Variants in OR51B5 observed in about 807,000 individuals in gnomAD.
The protein encoded by OR51B5 is olfactory receptor family 51 subfamily B member 5, also known as olfactory receptor 51B5.
For missense variants in OR51B5, 456 were observed against 374.6 expected (o/e 1.22, Z -1.79); for synonymous variants, 186 against 144.8 (o/e 1.28, Z -2.04).
intron 1 of OR51B5, among the ~76,000 whole-genome samples, chr11:5,434,448 T>C (rs1280695249): frequency 6.6e-6 from 1 of 152,150 alleles, no homozygotes; most frequent in East Asian, 1.9e-4. Flanking sequence ...CCCACAGATG[T>C]AGCCTAGGTT....
chr11:5,343,021 G>C, exon 1 of OR51B5: 1 of 1,613,872 alleles, frequency 6.2e-7, no homozygotes, highest in Non-Finnish European at 8.5e-7. Flanking sequence ...GAACATGGGA[G>C]TGACAATACA....
At chr11:5,484,240 CAA>C (rs1464970580) in intron 1 of OR51B5, among the ~76,000 whole-genome samples, 5 of 152,134 alleles carry the variant, frequency 3.3e-5, no homozygotes, top group Admixed American at 3.3e-4. Context: ...GATCCTGCAA[CAA>C]GTTAGGAAGG....
intron 1 of OR51B5, among the ~76,000 whole-genome samples, chr11:5,372,979 G>A (rs1340586744): frequency 6.6e-6 from 1 of 152,068 alleles, no homozygotes. Flanking sequence ...TAGACACATA[G>A]ACCAAATTGA....
chr11:5,345,347 G>C (rs1848975028), upstream of OR51B5, among the ~76,000 whole-genome samples: 2 of 152,122 alleles, frequency 1.3e-5, no homozygotes, highest in Admixed American at 6.5e-5. Context: ...CCTTGACTAG[G>C]AGAGAAGCAG....
At position 5,418,768 on chromosome 11, in the gene OR51B5, A is replaced by G. The variant is rs1185830346; in HGVS notation, n.85-71858T>C. Among the ~76,000 whole-genome samples the G allele has an allele frequency of 5.9e-5, 9 of 151,928 alleles. No homozygotes were observed. The East Asian group carries it at 1.4e-3, about 23-fold the overall frequency. On this transcript the variant is annotated intron_variant and non_coding_transcript_variant, in intron 1 of 4. Transcript: ENST00000415970. ...GGGGAGGGATAGCATTAGGAGAAATACCTAATGTAGGTGACGGGTTGATAG... is the reference window on the plus strand; with the variant it reads ...GGGGAGGGATAGCATTAGGAGAAATGCCTAATGTAGGTGACGGGTTGATAG...
chr11:5,412,107 T>C (rs1028929570), intron 1 of OR51B5, among the ~76,000 whole-genome samples: 3 of 152,192 alleles, frequency 2.0e-5, no homozygotes, highest in African/African-American at 7.2e-5. Flanking sequence ...CAGACCTTTC[T>C]CTCCTCCTCC....
At position 5,441,064 on chromosome 11, in the gene OR51B5, G is replaced by A. The variant is rs757036841; in HGVS notation, n.84+64505C>T. 69 of 1,613,866 alleles carry A rather than the reference G, an allele frequency of 4.3e-5. No homozygotes were observed. The highest frequency in any genetic ancestry group is 5.8e-5 in the Non-Finnish European group (68 of 1,179,940). On this transcript the variant is annotated intron_variant and non_coding_transcript_variant, in intron 1 of 4. Transcript: ENST00000415970. ...AAGAGAGTGGTGAAACTCTTGGTAAGGATGCCCAGACCCATAGCCAATATA... is the reference window on the plus strand; with the variant it reads ...AAGAGAGTGGTGAAACTCTTGGTAAAGATGCCCAGACCCATAGCCAATATA...
At chr11:5,477,807 CT>C (rs1851337493) in intron 1 of OR51B5, among the ~76,000 whole-genome samples, 1 of 152,170 alleles carries the variant, frequency 6.6e-6, no homozygotes, top group South Asian at 2.1e-4. Context: ...TTCGGACTGG[CT>C]TAAAAAACGG....
At chr11:5,457,352 G>C (rs1293499621) in intron 1 of OR51B5, among the ~76,000 whole-genome samples, 1 of 152,298 alleles carries the variant, frequency 6.6e-6, no homozygotes, top group South Asian at 2.1e-4. Context: ...TGGTATATAT[G>C]TACCACATTT....
intron 1 of OR51B5, among the ~76,000 whole-genome samples, chr11:5,365,561 A>G (rs1432321447): frequency 6.6e-6 from 1 of 152,202 alleles, no homozygotes; most frequent in Non-Finnish European, 1.5e-5. Flanking sequence ...AAGCATATTG[A>G]TACACAAAAA....
chr11:5,374,329 G>A (rs187786252), intron 1 of OR51B5, among the ~76,000 whole-genome samples: 18 of 151,898 alleles, frequency 1.2e-4, no homozygotes, highest in African/African-American at 2.7e-4. Context: ...AAAACCCATC[G>A]GTACATCACT....
At chr11:5,376,722 A>C (rs1037079443) in intron 1 of OR51B5, among the ~76,000 whole-genome samples, 6 of 151,982 alleles carry the variant, frequency 3.9e-5, no homozygotes, top group African/African-American at 1.5e-4. Context: ...GAAATGGATA[A>C]ATTCCTGGAC....
chr11:5,457,372 A>T (rs796895973), intron 1 of OR51B5, among the ~76,000 whole-genome samples: 12 of 152,338 alleles, frequency 7.9e-5, no homozygotes, highest in African/African-American at 2.4e-4. Flanking sequence ...TTCTTTAACC[A>T]GTCCACTGCT....
At chr11:5,387,845 C>A (rs1373376723) in intron 1 of OR51B5, among the ~76,000 whole-genome samples, 1 of 152,170 alleles carries the variant, frequency 6.6e-6, no homozygotes, top group Non-Finnish European at 1.5e-5. Context: ...ATCACTCTTA[C>A]CTTCCTCCTT....
In OR51B5 at chr11:5,415,486, A is replaced by G. The variant is rs539487291; in HGVS notation, n.85-68576T>C. ...CCTTCAAAAAATTAATGAATCCAGG[A>G]GCTGGTTTCTTGAAAGGATCAACAA... is the stretch of plus-strand genomic sequence containing the variant. On this transcript the variant is annotated intron_variant and non_coding_transcript_variant, in intron 1 of 4. Coordinates refer to the OR51B5 transcript ENST00000415970. 4.1e-4 allele frequency among the ~76,000 whole-genome samples: 62 copies of G among 152,066 alleles called. No individual in the cohort carries two copies. In the East Asian group the frequency reaches 0.011, roughly 27 times the overall value.
At chr11:5,409,006 T>C (rs1014885837) in intron 1 of OR51B5, among the ~76,000 whole-genome samples, 2 of 152,142 alleles carry the variant, frequency 1.3e-5, no homozygotes, top group African/African-American at 2.4e-5. Flanking sequence ...TGTTGATCTA[T>C]AGGTATGTTC....
At chr11:5,378,152 C>T (rs6578623) in intron 1 of OR51B5, among the ~76,000 whole-genome samples, 56,389 of 149,408 alleles carry the variant, frequency 0.38, 10,910 homozygotes, top group Non-Finnish European at 0.4. Context: ...TCAGAAATAA[C>T]GACGCATATC....
intron 1 of OR51B5, among the ~76,000 whole-genome samples, chr11:5,416,467 G>C (rs1589984441): frequency 6.6e-6 from 1 of 151,974 alleles, no homozygotes; most frequent in African/African-American, 2.4e-5. Flanking sequence ...TATTCAATTA[G>C]GAAAAGAGGA....
chr11:5,450,435 G>A (rs1308290139), intron 1 of OR51B5, among the ~76,000 whole-genome samples: 2 of 151,972 alleles, frequency 1.3e-5, no homozygotes, highest in African/African-American at 2.4e-5. Flanking sequence ...ATAAGACATA[G>A]GTCTAAAAAA....
Sources: gnomAD v4.1 joint callset for allele counts (sites outside exome capture counted in the v4.1 genomes callset) on GRCh38, gnomAD v4.1.1 for gene constraint, MANE v1.5 for transcripts, NCBI Gene and HGNC (gene_info 2026-07-23, HGNC 2026-07-21) for gene names.